Variants in NCAM2 observed in about 807,000 individuals in gnomAD.
NCAM2 encodes the protein neural cell adhesion molecule 2.
In NCAM2, 30 loss-of-function variants were observed where a neutral mutation model predicts 98.1. That is an observed-to-expected ratio of 0.31 (90% CI 0.23 to 0.41). The LOEUF is 0.41. Ranked by LOEUF, NCAM2 falls within the 10% of genes least tolerant of loss-of-function variation. The probability of loss-of-function intolerance (pLI) is 1.00; values close to 1 mark genes in which losing one functional copy is unlikely to be tolerated. For missense variants in NCAM2, 867 were observed against 1,005.8 expected, an observed-to-expected ratio of 0.86 and a Z score of 1.87; for synonymous variants, 368 against 342.4, an observed-to-expected ratio of 1.07 and a Z score of -0.83.
At chr21:21,241,534 G>C (rs2147240069) in intron 1 of NCAM2, among the ~76,000 whole-genome samples, 1 of 152,228 alleles carries the variant, frequency 6.6e-6, no homozygotes, top group East Asian at 1.9e-4. Flanking sequence ...CTGTAGCCCA[G>C]ATTTATTCAG....
At chr21:21,312,193 C>G (rs1048947001) in intron 5 of NCAM2, among the ~76,000 whole-genome samples, 1 of 151,898 alleles carries the variant, frequency 6.6e-6, no homozygotes, top group Non-Finnish European at 1.5e-5. Context: ...ATAGTTTGCT[C>G]AGAGATTTTA....
At chr21:21,107,330 A>G (rs1340584442) in intron 1 of NCAM2, among the ~76,000 whole-genome samples, 2 of 152,130 alleles carry the variant, frequency 1.3e-5, no homozygotes, top group Non-Finnish European at 2.9e-5. Flanking sequence ...GTGCAAAAAA[A>G]TAATACCAGA....
chr21:21,164,612 A>G (rs960626203), intron 1 of NCAM2, among the ~76,000 whole-genome samples: 2 of 152,158 alleles, frequency 1.3e-5, no homozygotes, highest in African/African-American at 4.8e-5. Flanking sequence ...ACATCATAAA[A>G]CCAAACGAGG....
chr21:21,149,275 C>T (rs925435219), intron 1 of NCAM2, among the ~76,000 whole-genome samples: 1 of 152,110 alleles, frequency 6.6e-6, no homozygotes, highest in Admixed American at 6.5e-5. Context: ...TGGAGAATTA[C>T]ATTGAATCTA....
chr21:21,213,890 TG>T (rs1361069001), intron 1 of NCAM2, among the ~76,000 whole-genome samples: 1 of 152,104 alleles, frequency 6.6e-6, no homozygotes, highest in Non-Finnish European at 1.5e-5. Context: ...TTCCAGGCCT[TG>T]CAATCATAGA....
chr21:21,484,115 T>G (rs1986135135), intron 15 of NCAM2, among the ~76,000 whole-genome samples: 2 of 152,128 alleles, frequency 1.3e-5, no homozygotes, highest in Non-Finnish European at 2.9e-5. Flanking sequence ...CATTTTCAAC[T>G]TATAAATGAA....
intron 15 of NCAM2, among the ~76,000 whole-genome samples, chr21:21,493,491 T>C (rs1986993069): frequency 6.6e-6 from 1 of 151,950 alleles, no homozygotes; most frequent in Admixed American, 6.6e-5. Context: ...TTCCTGATAA[T>C]GAATATCTAA....
In NCAM2 at chr21:21,229,125, A is replaced by G. The variant is rs1347489167; in HGVS notation, c.56-51453A>G. ...CTCTACCCTATGCTGCCCACAAAAC[A>G]CATTGAACTTGCTTGGAGATGTTAA... On this transcript the variant is annotated intron_variant, in intron 1 of 17. Transcript: ENST00000400546. 2.0e-5 allele frequency among the ~76,000 whole-genome samples: 3 copies of G among 151,638 alleles called. No homozygotes were observed. In the East Asian group the frequency reaches 5.8e-4, roughly 29 times the overall value.
chr21:21,136,901 AT>A (rs3071999), intron 1 of NCAM2, among the ~76,000 whole-genome samples: 62,513 of 150,764 alleles, frequency 0.41, 13,365 homozygotes, highest in African/African-American at 0.54. Flanking sequence ...TAAATAATTG[AT>A]TTTTTTTTTT....
rs528057444 is a variant in NCAM2 at position 21,136,366 on chromosome 21, G to C, written c.55+137748G>C. Among the ~76,000 whole-genome samples, 6 of 152,152 alleles carry C rather than the reference G, an allele frequency of 3.9e-5. No individual in the cohort carries two copies. In the South Asian group the frequency reaches 1.2e-3, roughly 32 times the overall value. Reference sequence around the variant, plus strand: ...AGAAACACTGGTGAGCAACACTATAGAACACCACAAATGATAACAGCATTG... The same window carrying C: ...AGAAACACTGGTGAGCAACACTATACAACACCACAAATGATAACAGCATTG... On this transcript the variant is annotated intron_variant, in intron 1 of 17. Transcript: ENST00000400546.
rs1276590523 is a variant in NCAM2 at position 21,361,739 on chromosome 21, A to C, written c.1045-12124A>C. ...ACTTGGATATTAAATAAATCTTTCA[A>C]AGTTAAAATATTCAGTTCAATACTG... On this transcript the variant is annotated intron_variant, in intron 8 of 17. Coordinates refer to ENST00000400546, the MANE Select transcript of NCAM2 (RefSeq NM_004540.5). 2.0e-5 allele frequency among the ~76,000 whole-genome samples: 3 copies of C among 152,078 alleles called. 1 individual carries two copies. The highest frequency in any genetic ancestry group is 4.4e-5 in the Non-Finnish European group (3 of 68,018).
chr21:21,187,661 G>A (rs2068685097), intron 1 of NCAM2, among the ~76,000 whole-genome samples: 1 of 152,176 alleles, frequency 6.6e-6, no homozygotes, highest in Admixed American at 6.5e-5. Context: ...CATAAACCAT[G>A]TAAATAGAAG....
chr21:21,484,293 A>C (rs1986152775), intron 15 of NCAM2, among the ~76,000 whole-genome samples: 1 of 150,812 alleles, frequency 6.6e-6, no homozygotes, highest in African/African-American at 2.4e-5. Flanking sequence ...GTAGGTTTGC[A>C]TTAATTGTTA....
intron 1 of NCAM2, among the ~76,000 whole-genome samples, chr21:21,250,396 T>G (rs1411289655): frequency 6.6e-6 from 1 of 152,214 alleles, no homozygotes; most frequent in East Asian, 1.9e-4. Context: ...AATGCAACCA[T>G]AGGTGCTGTG....
At chr21:21,297,734 C>CAA (rs34515330) in intron 5 of NCAM2, among the ~76,000 whole-genome samples, 233 of 149,950 alleles carry the variant, frequency 1.6e-3, no homozygotes, top group Non-Finnish European at 2.2e-3. Context: ...CTGTACTACT[C>CAA]AAAAAAAAAG....
chr21:21,073,995 C>T (rs2065627010), intron 1 of NCAM2, among the ~76,000 whole-genome samples: 1 of 152,164 alleles, frequency 6.6e-6, no homozygotes, highest in Non-Finnish European at 1.5e-5. Context: ...CTGATTTCCT[C>T]CCTTAGCTCT....
chr21:21,513,908 T>C (rs1988548146), intron 16 of NCAM2, among the ~76,000 whole-genome samples: 2 of 152,178 alleles, frequency 1.3e-5, no homozygotes, highest in South Asian at 4.1e-4. Context: ...ATTGTTATAT[T>C]CCCTTGATTA....
chr21:21,429,968 T>A (rs2077295070), intron 11 of NCAM2, among the ~76,000 whole-genome samples: 1 of 152,138 alleles, frequency 6.6e-6, no homozygotes, highest in Admixed American at 6.6e-5. Flanking sequence ...TACAGTGACC[T>A]TTTTTAACTC....
At chr21:21,137,096 C>G (rs1042927591) in intron 1 of NCAM2, among the ~76,000 whole-genome samples, 12 of 152,100 alleles carry the variant, frequency 7.9e-5, no homozygotes, top group Admixed American at 6.6e-5. Flanking sequence ...CCACCCACCT[C>G]AGACTCCCAA....
Sources: gnomAD v4.1 joint callset for allele counts (sites outside exome capture counted in the v4.1 genomes callset) on GRCh38, gnomAD v4.1.1 for gene constraint, MANE v1.5 for transcripts, NCBI Gene and HGNC (gene_info 2026-07-23, HGNC 2026-07-21) for gene names.